The following DENND1A variants were observed in gnomAD, a reference collection of about 807,000 sequenced individuals.
The protein encoded by DENND1A is DENN domain-containing protein 1A.
In DENND1A, 51 loss-of-function variants were observed where a neutral mutation model predicts 113.7. That is an observed-to-expected ratio of 0.45 (90% CI 0.36 to 0.57). The LOEUF (loss-of-function observed/expected upper bound fraction) is 0.57, where lower values mean the gene tolerates loss of function less well. DENND1A is among the 20% of genes least tolerant of loss of function. DENND1A has a pLI of 0.00. For missense variants in DENND1A, 1,258 were observed against 1,395.9 expected (o/e 0.90, Z 1.57); for synonymous variants, 565 against 570.8 (o/e 0.99, Z 0.14).
Position 123,435,308 on chromosome 9 carries a change from T to C in DENND1A, c.1488+5052A>G, listed in dbSNP as rs1379750859. ...GCATCTTCTCCAGCCTAGCATGGGA[T>C]TGGCACTAAATGACCTGGCTGATGA... On this transcript the variant is annotated intron_variant, in intron 19 of 23. Transcript: ENST00000394215. Among the ~76,000 whole-genome samples, 11 of 152,116 alleles carry C rather than the reference T, an allele frequency of 7.2e-5. No homozygotes were observed. In the South Asian group the frequency reaches 2.3e-3, roughly 32 times the overall value.
At chr9:123,416,927 A>G (rs2044776049) in intron 19 of DENND1A, among the ~76,000 whole-genome samples, 1 of 152,378 alleles carries the variant, frequency 6.6e-6, no homozygotes, top group African/African-American at 2.4e-5. Context: ...GACCTACACC[A>G]TGGGAAAATA....
In DENND1A at chr9:123,846,917, C is replaced by A. The variant is rs192168320; in HGVS notation, c.88+32034G>T. ...AATATACCAAAACCATTAATTATAT[C>A]TTTTATTAATGGGCAAATTGTATGG... On this transcript the variant is annotated intron_variant, in intron 2 of 23. Transcript: ENST00000394215. Among the ~76,000 whole-genome samples the A allele has an allele frequency of 4.6e-5, 7 of 152,208 alleles. No individual in the cohort carries two copies. The East Asian group carries it at 7.7e-4, about 17-fold the overall frequency.
At chr9:123,723,018 A>T (rs1189175159) in intron 5 of DENND1A, among the ~76,000 whole-genome samples, 3 of 152,244 alleles carry the variant, frequency 2.0e-5, no homozygotes, top group Admixed American at 6.5e-5. Context: ...CCATGAAAGC[A>T]GCCAGGAGGG....
At chr9:123,481,035 AC>A (rs1411669995) in intron 13 of DENND1A, among the ~76,000 whole-genome samples, 1 of 152,194 alleles carries the variant, frequency 6.6e-6, no homozygotes, top group African/African-American at 2.4e-5. Context: ...CTTATTGGAA[AC>A]CTGTTTACAA....
chr9:123,415,971 G>A (rs1161477137), intron 19 of DENND1A, among the ~76,000 whole-genome samples: 1 of 152,154 alleles, frequency 6.6e-6, no homozygotes, highest in East Asian at 1.9e-4. Flanking sequence ...ATTTGGGTGG[G>A]AAGAGGGGGT....
intron 5 of DENND1A, 58 bp downstream of exon 5, chr9:123,757,645 A>G: frequency 1.9e-6 from 3 of 1,593,680 alleles, no homozygotes; most frequent in Non-Finnish European, 2.6e-6. Flanking sequence ...CGGAAGAGCA[A>G]TGCAGAAGCT....
chr9:123,457,204 T>C, intron 15 of DENND1A, 144 bp downstream of exon 15: 2 of 681,570 alleles, frequency 2.9e-6, no homozygotes, highest in Non-Finnish European at 5.1e-6. Context: ...AAAGAGGAAT[T>C]CTTCAAACAT....
At chr9:123,553,867 C>T (rs1469064218) in intron 13 of DENND1A, among the ~76,000 whole-genome samples, 1 of 152,158 alleles carries the variant, frequency 6.6e-6, no homozygotes, top group South Asian at 2.1e-4. Context: ...AAGTGATTCT[C>T]CTGCCTCAGC....
intron 1 of DENND1A, among the ~76,000 whole-genome samples, chr9:123,921,574 C>A (rs1013284149): frequency 6.6e-6 from 1 of 152,144 alleles, no homozygotes; most frequent in Non-Finnish European, 1.5e-5. Flanking sequence ...GGTGGTTTTT[C>A]TTTTCCCCCT....
intron 3 of DENND1A, among the ~76,000 whole-genome samples, chr9:123,784,442 G>A (rs1159374807): frequency 3.9e-5 from 6 of 152,186 alleles, no homozygotes; most frequent in Non-Finnish European, 8.8e-5. Context: ...ACAGACTAGA[G>A]AGCAGTTTAG....
intron 9 of DENND1A, among the ~76,000 whole-genome samples, chr9:123,651,020 GA>G (rs2062621459): frequency 6.6e-6 from 1 of 151,662 alleles, no homozygotes; most frequent in Admixed American, 6.6e-5. Context: ...AATTTAGATG[GA>G]AGTATATCAG....
chr9:123,633,483 G>A (rs1236497786), intron 9 of DENND1A, among the ~76,000 whole-genome samples: 1 of 152,182 alleles, frequency 6.6e-6, no homozygotes, highest in Non-Finnish European at 1.5e-5. Context: ...ATGACTCAAA[G>A]TCTAAAACAG....
intron 2 of DENND1A, among the ~76,000 whole-genome samples, chr9:123,867,796 T>C (rs951120456): frequency 2.6e-5 from 4 of 152,126 alleles, no homozygotes; most frequent in Admixed American, 6.5e-5. Flanking sequence ...GGTTCATGAA[T>C]GGGTACGTGA....
intron 5 of DENND1A, among the ~76,000 whole-genome samples, chr9:123,721,156 A>T (rs1328811066): frequency 6.6e-6 from 1 of 152,104 alleles, no homozygotes; most frequent in African/African-American, 2.4e-5. Context: ...AGCCAAAATG[A>T]TTTTCTAACA....
At chr9:123,579,180 G>C (rs961044103) in intron 12 of DENND1A, among the ~76,000 whole-genome samples, 1 of 152,096 alleles carries the variant, frequency 6.6e-6, no homozygotes, top group African/African-American at 2.4e-5. Context: ...GTGCTGATAG[G>C]ATATATGTTT....
chr9:123,655,649 A>G (rs965190407), intron 8 of DENND1A, among the ~76,000 whole-genome samples: 5 of 152,202 alleles, frequency 3.3e-5, no homozygotes, highest in Non-Finnish European at 7.3e-5. Context: ...TGAGGGCTGT[A>G]CACAGAAGCA....
intron 21 of DENND1A, among the ~76,000 whole-genome samples, chr9:123,395,457 A>ACT (rs140282595): frequency 0.4 from 56,713 of 141,938 alleles, 13,122 homozygotes; most frequent in Non-Finnish European, 0.53. Flanking sequence ...CCCAGAATCT[A>ACT]CTCTCTCTCT....
intron 12 of DENND1A, 69 bp from the exon 13 acceptor site, chr9:123,557,764 T>C (rs1170495199): frequency 1.3e-5 from 20 of 1,559,820 alleles, no homozygotes; most frequent in East Asian, 2.3e-5. Flanking sequence ...CTAAGCCCAC[T>C]ACATATGGAG....
intron 19 of DENND1A, among the ~76,000 whole-genome samples, chr9:123,435,389 G>A (rs931494870): frequency 6.6e-6 from 1 of 152,174 alleles, no homozygotes; most frequent in African/African-American, 2.4e-5. Context: ...CATCCCAAGA[G>A]CTGTTCCTGG....
Sources: gnomAD v4.1 joint callset for allele counts (sites outside exome capture counted in the v4.1 genomes callset) on GRCh38, gnomAD v4.1.1 for gene constraint, MANE v1.5 for transcripts, NCBI Gene and HGNC (gene_info 2026-07-23, HGNC 2026-07-21) for gene names.